Variants in ING5 observed in about 807,000 individuals in gnomAD.
ING5 encodes inhibitor of growth protein 5.
Under a neutral mutation model 37.4 loss-of-function variants are expected in ING5, and 17 were observed. That is an observed-to-expected ratio of 0.45 (90% CI 0.31 to 0.68). The LOEUF (loss-of-function observed/expected upper bound fraction) is 0.68. ING5 is among the 30% of genes least tolerant of loss of function. The pLI is 0.05. For synonymous variants in ING5, 123 were observed against 116.6 expected (o/e 1.06, Z -0.36); for missense variants, 233 against 311.9 (o/e 0.75, Z 1.91).
chr2:241,700,978 C>T (rs1191255442), upstream of ING5, among the ~76,000 whole-genome samples: 4 of 140,866 alleles, frequency 2.8e-5, no homozygotes, highest in South Asian at 2.3e-4. Flanking sequence ...TTAAAATTTT[C>T]TTTTTTTTTT....
chr2:241,716,681 A>T (rs150258597), intron 5 of ING5, among the ~76,000 whole-genome samples: 108 of 152,278 alleles, frequency 7.1e-4, no homozygotes, highest in African/African-American at 2.5e-3. Context: ...TTTGATGTTT[A>T]ACGTGTGGCT....
chr2:241,690,097 C>T (rs1392608447), exon 2 of ING5: 1 of 152,220 alleles, frequency 6.6e-6, no homozygotes, highest in Non-Finnish European at 1.5e-5. Context: ...GCATGGCTTT[C>T]CTGGCTCCCC....
chr2:241,699,005 G>T (rs1419281527), upstream of ING5, among the ~76,000 whole-genome samples: 1 of 149,456 alleles, frequency 6.7e-6, no homozygotes, highest in Admixed American at 6.7e-5. Flanking sequence ...TGGGATTACA[G>T]GCGTGAGCCA....
chr2:241,702,908 C>T (rs2069789289), intron 1 of ING5, among the ~76,000 whole-genome samples: 1 of 152,216 alleles, frequency 6.6e-6, no homozygotes, highest in Admixed American at 6.5e-5. Context: ...TGCCGGGTGG[C>T]TCTGGAGGGC....
At chr2:241,695,829 A>G (rs1035066255) in intron 2 of ING5, among the ~76,000 whole-genome samples, 1 of 152,200 alleles carries the variant, frequency 6.6e-6, no homozygotes. Flanking sequence ...GAACATCTGT[A>G]AAGAGTTTGT....
At chr2:241,713,813 A>T (rs1432400825) in intron 5 of ING5, among the ~76,000 whole-genome samples, 1 of 150,804 alleles carries the variant, frequency 6.6e-6, no homozygotes, top group African/African-American at 2.4e-5. Context: ...ATATGGTGAA[A>T]CCCCGTCTCT....
intron 5 of ING5, chr2:241,720,111 G>A (rs1023456276): frequency 2.6e-5 from 32 of 1,238,378 alleles, no homozygotes; most frequent in South Asian, 1.2e-4. Flanking sequence ...GTGGGCAGAC[G>A]GGTCATCCTG....
At chr2:241,707,834 C>T (rs1041056081) in intron 2 of ING5, among the ~76,000 whole-genome samples, 1 of 152,192 alleles carries the variant, frequency 6.6e-6, no homozygotes, top group Admixed American at 6.6e-5. Flanking sequence ...AGTCATGACA[C>T]CCCTCCCCAA....
Position 241,711,446 on chromosome 2 carries a change from GA to G in ING5, c.347del (p.Glu116GlyfsTer13). 1 of 1,606,396 alleles carries G rather than the reference GA, an allele frequency of 6.2e-7. No homozygotes were observed. Among genetic ancestry groups the G allele is most frequent in the Admixed American group, 1.7e-5 (1 of 58,088 alleles). ...RFEADLKDKMEGSDFESSGGR... is the reference protein window; with the variant it reads ...RFEADLKDKMXGSDFESSGGR... The stretch of plus-strand genomic sequence containing the variant: ...TGAAGCAGATCTGAAGGACAAGATG[GA>G]GGGCAGTGATTTTGAAAGCTCCGGA... On this transcript the variant is annotated frameshift_variant, in exon 4 of 8. Transcript: ENST00000313552. LOFTEE classifies it high-confidence loss of function.
intron 2 of ING5, among the ~76,000 whole-genome samples, chr2:241,695,642 C>T (rs1370627128): frequency 2.0e-5 from 3 of 151,984 alleles, no homozygotes; most frequent in Non-Finnish European, 4.4e-5. Flanking sequence ...GCTGAGATCG[C>T]GCCACCACAC....
intron 4 of ING5, chr2:241,711,701 G>C (rs2124914663): frequency 1.7e-6 from 1 of 576,054 alleles, no homozygotes; most frequent in Non-Finnish European, 3.0e-6. Context: ...AGGAGTTTGA[G>C]ACCAACCTGG....
chr2:241,718,416 T>C (rs542647649), intron 5 of ING5, among the ~76,000 whole-genome samples: 194 of 131,698 alleles, frequency 1.5e-3, no homozygotes, highest in Middle Eastern at 4.0e-3. Flanking sequence ...TTTCTCTTTC[T>C]GTCTTTTTTT....
chr2:241,702,088 A>G lies in ING5; in HGVS notation c.23A>G (p.Glu8Gly). The change falls in exon 1 of 8, where the codon GAG becomes GGG. Residue 8 changes from glutamate to glycine, a missense_variant. Physicochemically the swap from Glu to Gly is moderately conservative, Grantham distance 98 (BLOSUM62 -2). Coordinates refer to ENST00000313552, the MANE Select transcript of ING5 (RefSeq NM_032329.6). ...AAGATGGCGACCGCCATGTACTTGG[A>G]GCACTATCTGGACAGTAAGCGCGCC... MATAMYL[E>G]HYLDSIENLP... 7.2e-7 allele frequency: 1 copy of G among 1,387,894 alleles called. No individual in the cohort carries two copies. Among genetic ancestry groups the G allele is most frequent in the Non-Finnish European group, 9.4e-7 (1 of 1,064,406 alleles). 86.0% of individuals were successfully genotyped at this position (1,387,894 alleles called of 1,614,324 possible).
At chr2:241,687,500 G>A (rs977951743) in exon 1 of ING5, 2 of 396,800 alleles carry the variant, frequency 5.0e-6, no homozygotes, top group African/African-American at 2.1e-5. Context: ...AAAACTGCAG[G>A]GCTCTGGAAA....
intron 5 of ING5, chr2:241,722,464 C>T: frequency 2.0e-6 from 2 of 985,414 alleles, no homozygotes; most frequent in Non-Finnish European, 2.4e-6. Context: ...CCCCCATGCC[C>T]CTGCCTGGGC....
rs759795505 is a variant in ING5 at position 241,709,217 on chromosome 2, T to G, written c.111T>G (p.Asp37Glu). 1.9e-6 allele frequency: 3 copies of G among 1,609,386 alleles called. No individual in the cohort carries two copies. Among genetic ancestry groups the G allele is most frequent in the South Asian group, 1.1e-5 (1 of 90,640 alleles). ...LMRELDQRTE[D>E]KKAEIDILAA... ...GCTTTTCCCCCATTTCTCCATCAGA[T>G]AAGAAAGCAGAGATTGACATCCTGG... is the stretch of plus-strand genomic sequence containing the variant. The change falls in exon 3 of 8, where the codon GAT becomes GAG. Residue 37 changes from aspartate to glutamate, a missense_variant and splice_region_variant. Physicochemically the swap from Asp to Glu is conservative, Grantham distance 45 (BLOSUM62 2). Transcript: ENST00000313552.
intron 5 of ING5, chr2:241,720,719 G>T: frequency 3.0e-6 from 3 of 985,624 alleles, no homozygotes; most frequent in Non-Finnish European, 2.4e-6. Flanking sequence ...TGGGGAGTTA[G>T]CACAGAGGGT....
chr2:241,697,687 G>C (rs1201500465), upstream of ING5, among the ~76,000 whole-genome samples: 1 of 152,010 alleles, frequency 6.6e-6, no homozygotes, highest in Non-Finnish European at 1.5e-5. Flanking sequence ...GAGGGGGAGA[G>C]GGATGAATCG....
Position 241,723,195 on chromosome 2 carries a change from C to T in ING5, c.619-15C>T, listed in dbSNP as rs202123886. ...ATGAGGCGTGTTGACTGCGGTTTCT[C>T]CCTTTACTTTGCAGTGTCCAATTGA... On this transcript the variant is annotated splice_polypyrimidine_tract_variant and intron_variant, in intron 6 of 7. Coordinates refer to ENST00000313552, the MANE Select transcript of ING5 (RefSeq NM_032329.6). 1.7e-5 allele frequency: 28 copies of T among 1,614,220 alleles called. No homozygotes were observed. The highest frequency in any genetic ancestry group is 1.0e-4 in the Admixed American group (6 of 60,034).
Sources: gnomAD v4.1 joint callset for allele counts (sites outside exome capture counted in the v4.1 genomes callset) on GRCh38, gnomAD v4.1.1 for gene constraint, MANE v1.5 for transcripts, NCBI Gene and HGNC (gene_info 2026-07-23, HGNC 2026-07-21) for gene names.